Variants in SKIC2 observed in about 807,000 individuals in gnomAD.
SKIC2 encodes the protein superkiller complex protein 2.
chr6:31,965,337 C>T, the SKIC2 span, among the ~76,000 whole-genome samples: 2 of 151,968 alleles, frequency 1.3e-5, no homozygotes, highest in Non-Finnish European at 2.9e-5. This position sits in a 1 kb window ranked among gnomAD's most constrained non-coding sequence, Gnocchi z 5.6. Context: ...GAGTGTTCTG[C>T]AGCAGTTGGA....
At chr6:31,964,033 G>A in the SKIC2 span, 1 of 1,612,494 alleles carries the variant, frequency 6.2e-7, no homozygotes, top group African/African-American at 1.3e-5. This position sits in a 1 kb window ranked among gnomAD's most constrained non-coding sequence, Gnocchi z 5.0. Flanking sequence ...CACCTCCCTT[G>A]ACCTCACCAC....
At chr6:31,961,379 T>C in the SKIC2 span, 6 of 1,551,028 alleles carry the variant, frequency 3.9e-6, no homozygotes, top group South Asian at 1.2e-5. Context: ...GAAGACCTAG[T>C]GTTGAAGGTT....
the SKIC2 span, chr6:31,967,598 T>C: frequency 1.7e-6 from 2 of 1,204,064 alleles, no homozygotes; most frequent in South Asian, 1.4e-5. The surrounding 1 kb of genome is among the most constrained non-coding windows in gnomAD (Gnocchi z 4.9). Context: ...TGCCCCTCTC[T>C]ACTGGTGAGC....
At chr6:31,959,269 A>G in the SKIC2 span, 2 of 1,606,374 alleles carry the variant, frequency 1.2e-6, no homozygotes, top group South Asian at 1.1e-5. Flanking sequence ...ATGAACTTTG[A>G]CCCCTGACTT....
At chr6:31,960,687 T>C in the SKIC2 span, 9 of 1,588,742 alleles carry the variant, frequency 5.7e-6, no homozygotes, top group Non-Finnish European at 7.7e-6. Context: ...GAACCCACCA[T>C]AACAGATCTG....
At chr6:31,966,668 G>C in the SKIC2 span, 1 of 1,612,004 alleles carries the variant, frequency 6.2e-7, no homozygotes, top group Non-Finnish European at 8.5e-7. This position sits in a 1 kb window ranked among gnomAD's most constrained non-coding sequence, Gnocchi z 5.9. Flanking sequence ...GGTTCAGTAG[G>C]TCCCACCCTG....
the SKIC2 span, chr6:31,968,722 G>A: frequency 6.2e-7 from 1 of 1,612,970 alleles, no homozygotes; most frequent in Non-Finnish European, 8.5e-7. The surrounding 1 kb of genome is among the most constrained non-coding windows in gnomAD (Gnocchi z 6.1). Flanking sequence ...GATACAGAAG[G>A]AGATGGAGCG....
At chr6:31,960,756 G>T in the SKIC2 span, 1 of 1,534,528 alleles carries the variant, frequency 6.5e-7, no homozygotes. Flanking sequence ...GTGGGGCTCT[G>T]AGTCTGAGCC....
chr6:31,960,249 C>A, the SKIC2 span: 5 of 1,613,134 alleles, frequency 3.1e-6, no homozygotes, highest in Non-Finnish European at 4.2e-6. Flanking sequence ...GATCCCTGGT[C>A]TCTTTTGGCT....
chr6:31,963,578 G>A, the SKIC2 span: 9 of 1,550,600 alleles, frequency 5.8e-6, no homozygotes, highest in South Asian at 1.1e-4. The surrounding 1 kb of genome is among the most constrained non-coding windows in gnomAD (Gnocchi z 5.3). Context: ...CGAGATGGGG[G>A]AAAGAGTTAG....
the SKIC2 span, chr6:31,963,042 CT>C: frequency 6.2e-7 from 1 of 1,612,892 alleles, no homozygotes; most frequent in Non-Finnish European, 8.5e-7. The surrounding 1 kb of genome is among the most constrained non-coding windows in gnomAD (Gnocchi z 5.3). Flanking sequence ...TTCTATCATC[CT>C]TCTGAGTGCC....
chr6:31,963,801 C>T, the SKIC2 span: 3 of 1,481,926 alleles, frequency 2.0e-6, no homozygotes, highest in Non-Finnish European at 1.8e-6. The surrounding 1 kb of genome is among the most constrained non-coding windows in gnomAD (Gnocchi z 5.3). Context: ...TTCCCCTTGT[C>T]CCCCAGGGGT....
chr6:31,968,283 G>A, the SKIC2 span: 2 of 1,524,888 alleles, frequency 1.3e-6, no homozygotes, highest in Non-Finnish European at 1.8e-6. The surrounding 1 kb of genome is among the most constrained non-coding windows in gnomAD (Gnocchi z 6.1). Context: ...GCTTCTGGGG[G>A]AGAGAAGATC....
chr6:31,960,666 G>C, the SKIC2 span: 5 of 1,589,810 alleles, frequency 3.1e-6, no homozygotes, highest in Non-Finnish European at 4.3e-6. Flanking sequence ...CTCTTCCCAG[G>C]GGGGATGGAT....
At chr6:31,960,886 TACA>T in the SKIC2 span, 1 of 868,540 alleles carries the variant, frequency 1.2e-6, no homozygotes, top group Non-Finnish European at 1.9e-6. Flanking sequence ...GGGAAATTTC[TACA>T]ACAACCTTTA....
At chr6:31,959,588 C>G in the SKIC2 span, 1 of 573,656 alleles carries the variant, frequency 1.7e-6, no homozygotes, top group South Asian at 2.3e-5. Context: ...GCAGAAAGGG[C>G]TGGGGATATT....
chr6:31,960,243 C>T, the SKIC2 span: 56 of 1,612,966 alleles, frequency 3.5e-5, no homozygotes, highest in Non-Finnish European at 4.4e-5. Context: ...AAGACGGATC[C>T]CTGGTCTCTT....
chr6:31,962,789 C>T, the SKIC2 span: 24 of 1,609,986 alleles, frequency 1.5e-5, no homozygotes, highest in African/African-American at 1.2e-4. This position sits in a 1 kb window ranked among gnomAD's most constrained non-coding sequence, Gnocchi z 5.0. Flanking sequence ...ACTATATCAA[C>T]GATGTCGAGG....
chr6:31,961,095 G>C, the SKIC2 span: 1 of 1,613,126 alleles, frequency 6.2e-7, no homozygotes, highest in African/African-American at 1.3e-5. Flanking sequence ...GCACCAAAAG[G>C]TTAGTTTTAG....
Sources: gnomAD v4.1 joint callset for allele counts (sites outside exome capture counted in the v4.1 genomes callset) on GRCh38, gnomAD v4.1.1 for gene constraint, Gnocchi (gnomAD v3.1) non-coding constraint, MANE v1.5 for transcripts, NCBI Gene and HGNC (gene_info 2026-07-23, HGNC 2026-07-21) for gene names.